Variants in GABRD observed in about 807,000 individuals in gnomAD.
GABRD encodes the protein gamma-aminobutyric acid type A receptor subunit delta, also known as gamma-aminobutyric acid receptor subunit delta.
GABRD carries 25 observed loss-of-function variants against 47.3 expected under a neutral mutation model. The ratio of observed to expected loss-of-function variants is 0.53; its 90% CI spans 0.39 to 0.74. The LOEUF is 0.74. Among genes scored for constraint, GABRD ranks in the 30% least tolerant of loss-of-function variants. The pLI, the probability that GABRD is intolerant of heterozygous loss-of-function variation, is 0.00. For missense variants in GABRD, 497 were observed against 643.4 expected (o/e 0.77, Z 2.46); for synonymous variants, 314 against 278.8 (o/e 1.13, Z -1.26).
intron 3 of GABRD, 48 bp from the exon 4 acceptor site, chr1:2,025,470 C>T (rs780927959): frequency 1.2e-6 from 2 of 1,611,216 alleles, no homozygotes; most frequent in South Asian, 2.2e-5. Flanking sequence ...CTGCATGCCC[C>T]TGGGGGTGGA....
rs570711578 is a variant in GABRD, at chr1:2,021,030, G to C, written c.68+1539G>C. Among the ~76,000 whole-genome samples the C allele has an allele frequency of 2.0e-5, 3 of 152,294 alleles. No individual in the cohort carries two copies. The East Asian group carries it at 5.8e-4, about 29-fold the overall frequency. ...CCTGGGCTGACGGGGAAGGGATTCT[G>C]TGCCTGTTTCCTTGGGCAGGAAAGC... On this transcript the variant is annotated intron_variant, in intron 1 of 8. Coordinates refer to ENST00000378585, the MANE Select transcript of GABRD (RefSeq NM_000815.5).
chr1:2,028,060 G>A lies in GABRD; in HGVS notation c.554-95G>A, dbSNP rs919414201. On this transcript the variant is annotated intron_variant, in intron 5 of 8. Transcript: ENST00000378585. This position sits in a 1 kb window ranked among gnomAD's most constrained non-coding sequence, Gnocchi z 6.4. ...CTCGGTCCCCATCACGATGGCGTCGGCCCCCTGCAGGCTTCCTGTGTGGAC... is the reference window on the plus strand; with the variant it reads ...CTCGGTCCCCATCACGATGGCGTCGACCCCCTGCAGGCTTCCTGTGTGGAC... 3 of 1,392,430 alleles carry A rather than the reference G, an allele frequency of 2.2e-6. No homozygotes were observed. Among genetic ancestry groups the A allele is most frequent in the African/African-American group, 1.4e-5 (1 of 69,896 alleles). 86.3% of individuals were successfully genotyped at this position (1,392,430 alleles called of 1,614,324 possible). A position where few individuals can be genotyped will look rare whatever the true frequency, so the allele number is the denominator to read the frequency against.
chr1:2,021,549 G>A (rs1193299434), intron 1 of GABRD, among the ~76,000 whole-genome samples: 1 of 152,212 alleles, frequency 6.6e-6, no homozygotes, highest in Admixed American at 6.5e-5. Context: ...CATGGGAAAG[G>A]CTGGGTGGGA....
chr1:2,025,895 T>TC (rs1321756093), intron 4 of GABRD, 157 bp downstream of exon 4: 2 of 630,264 alleles, frequency 3.2e-6, no homozygotes, highest in Non-Finnish European at 5.5e-6. Context: ...GTTATTTATA[T>TC]CCCCCGCAGC....
In GABRD at chr1:2,030,207, C is replaced by T. The variant is rs749606562; in HGVS notation, c.1284C>T (p.Asp428=). The T allele has an allele frequency of 1.9e-6, 3 of 1,561,112 alleles. No individual in the cohort carries two copies. Among genetic ancestry groups the T allele is most frequent in the East Asian group, 2.3e-5 (1 of 44,198 alleles). Residue 428 remains aspartate, a synonymous_variant, in exon 9 of 9, where the codon GAC becomes GAT. Transcript: ENST00000378585. ...RLRPIDADTI[D]IYARAVFPAA... The stretch of plus-strand genomic sequence containing the variant: ...GGCCCATCGACGCAGACACCATTGA[C>T]ATTTACGCCCGCGCTGTGTTCCCTG...
rs1658958361 is a variant in GABRD, at chr1:2,027,523, T to G, written c.471-54T>G. 1.4e-5 allele frequency: 20 copies of G among 1,477,440 alleles called. 1 individual carries two copies. The South Asian group carries it at 2.1e-4, about 16-fold the overall frequency. The allele number at this position is 1,477,440 out of a possible 1,614,324, so 91.5% of individuals were successfully genotyped here. On this transcript the variant is annotated intron_variant, in intron 4 of 8. Coordinates refer to ENST00000378585, the MANE Select transcript of GABRD (RefSeq NM_000815.5). ...ATCTCTGCAGGGGAACTGCCAGGCTTTCGGGAGGGCTGGCCTCACCCCCAA... is the reference window on the plus strand; with the variant it reads ...ATCTCTGCAGGGGAACTGCCAGGCTGTCGGGAGGGCTGGCCTCACCCCCAA...
In GABRD at chr1:2,027,408, T is replaced by C. The variant is rs987345076; in HGVS notation, c.471-169T>C. ...CGGTCCTAAAGGAATACTTGACGTC[T>C]ATGAAGTTGAGCAGTTTCCAGGTTT... is the stretch of plus-strand genomic sequence containing the variant. On this transcript the variant is annotated intron_variant, in intron 4 of 8. Transcript: ENST00000378585. The C allele has an allele frequency of 1.6e-5, 11 of 680,804 alleles. No individual in the cohort carries two copies. The South Asian group carries it at 1.7e-4, about 11-fold the overall frequency. 42.2% of individuals were successfully genotyped at this position (680,804 alleles called of 1,614,324 possible).
At chr1:2,024,127 A>G (rs1334855424) in intron 1 of GABRD, 1 of 151,512 alleles carries the variant, frequency 6.6e-6, no homozygotes, top group African/African-American at 2.4e-5. Context: ...CTCTGCAAAG[A>G]CCTTATTCCC....
Position 2,028,847 on chromosome 1 carries a change from A to G in GABRD, c.692-264A>G, listed in dbSNP as rs1659004132. On this transcript the variant is annotated intron_variant, in intron 6 of 8. Transcript: ENST00000378585. The surrounding 1 kb of genome is among the most constrained non-coding windows in gnomAD (Gnocchi z 6.4). ...TGCGAGGGTCCCTCAGGGCCAGTCC[A>G]GCAAACATGAGGCCAGCAGTAACCT... 1 of 547,616 alleles carries G rather than the reference A, an allele frequency of 1.8e-6. No individual in the cohort carries two copies. Among genetic ancestry groups the G allele is most frequent in the Non-Finnish European group, 3.2e-6 (1 of 310,168 alleles). The allele number at this position is 547,616 out of a possible 1,614,324, so 33.9% of individuals were successfully genotyped here.
At chr1:2,021,303 G>A (rs910182262) in intron 1 of GABRD, among the ~76,000 whole-genome samples, 5 of 152,226 alleles carry the variant, frequency 3.3e-5, no homozygotes, top group Non-Finnish European at 7.3e-5. Context: ...TCTAGGGGCA[G>A]GCCTGGAGGG....
chr1:2,025,893 T>G, intron 4 of GABRD, 155 bp downstream of exon 4: 1 of 632,614 alleles, frequency 1.6e-6, no homozygotes, highest in Non-Finnish European at 2.7e-6. Flanking sequence ...CGGTTATTTA[T>G]ATCCCCCGCA....
intron 4 of GABRD, 183 bp from the exon 5 acceptor site, chr1:2,027,394 G>T (rs1327313883): frequency 3.0e-6 from 2 of 658,500 alleles, no homozygotes; most frequent in African/African-American, 3.6e-5. Context: ...GGTCCTAAAG[G>T]AATACTTGAC....
intron 7 of GABRD, 41 bp from the exon 8 acceptor site, chr1:2,029,510 G>A (rs748483885): frequency 5.6e-6 from 9 of 1,604,820 alleles, no homozygotes; most frequent in Non-Finnish European, 7.6e-6. Context: ...GGGGCGGCGT[G>A]AGGGCAGGGC....
chr1:2,025,124 A>G, intron 2 of GABRD, 70 bp downstream of exon 2: 1 of 1,405,436 alleles, frequency 7.1e-7, no homozygotes, highest in Admixed American at 1.9e-5. Context: ...TGTGTGGCCC[A>G]CTGGGCTGTA....
Position 2,030,388 on chromosome 1 carries a change from G to C in GABRD, c.*106G>C. The C allele has an allele frequency of 9.9e-7, 1 of 1,008,810 alleles. No individual in the cohort carries two copies. The highest frequency in any genetic ancestry group is 1.4e-6 in the Non-Finnish European group (1 of 728,254). 62.5% of individuals were successfully genotyped at this position (1,008,810 alleles called of 1,614,324 possible). On this transcript the variant is annotated 3_prime_UTR_variant, in exon 9 of 9. Transcript: ENST00000378585. ...GGCTGCCTTCCCCTCTGCGTGTTTC[G>C]AAGTGGGATGACAGTCGGCCACGGA...
intron 4 of GABRD, 26 bp downstream of exon 4, chr1:2,025,764 C>A: frequency 1.3e-6 from 2 of 1,596,168 alleles, no homozygotes; most frequent in Non-Finnish European, 8.6e-7. Context: ...ACCCGGACTC[C>A]GGGGGAGAGC....
At chr1:2,019,776 C>A (rs1471205145) in intron 1 of GABRD, among the ~76,000 whole-genome samples, 1 of 152,154 alleles carries the variant, frequency 6.6e-6, no homozygotes, top group Non-Finnish European at 1.5e-5. Context: ...GGCGTCGGAG[C>A]CTCCCGGTTC....
intron 4 of GABRD, chr1:2,026,979 TC>T (rs1398433610): frequency 6.0e-6 from 1 of 166,990 alleles, no homozygotes; most frequent in Non-Finnish European, 1.3e-5. Context: ...CATAGGGAGA[TC>T]CTGCCTCTAC....
Position 2,028,344 on chromosome 1 carries a change from G to A in GABRD, c.691+52G>A, listed in dbSNP as rs531905462. 151 of 1,536,852 alleles carry A rather than the reference G, an allele frequency of 9.8e-5. No individual in the cohort carries two copies. Among genetic ancestry groups the A allele is most frequent in the South Asian group, 6.0e-4 (50 of 83,564 alleles). On this transcript the variant is annotated intron_variant, in intron 6 of 8. Transcript: ENST00000378585. The surrounding 1 kb of genome is among the most constrained non-coding windows in gnomAD (Gnocchi z 6.4). ...CATGTGCCCGCCGCCCCTTCCGCGC[G>A]CGCCCACCGCCCCTTCCGCGCGCGC...
Sources: gnomAD v4.1 joint callset for allele counts (sites outside exome capture counted in the v4.1 genomes callset) on GRCh38, gnomAD v4.1.1 for gene constraint, Gnocchi (gnomAD v3.1) non-coding constraint, MANE v1.5 for transcripts, NCBI Gene and HGNC (gene_info 2026-07-23, HGNC 2026-07-21) for gene names.